The following FRMD4B variants were observed in gnomAD, a reference collection of about 807,000 sequenced individuals.
FRMD4B encodes FERM domain-containing protein 4B.
FRMD4B carries 74 observed loss-of-function variants against 141.5 expected under a neutral mutation model. The ratio of observed to expected loss-of-function variants is 0.52; its 90% CI spans 0.43 to 0.63. The LOEUF (loss-of-function observed/expected upper bound fraction) is 0.63, where lower values mean the gene tolerates loss of function less well. Ranked by LOEUF, FRMD4B falls within the 30% of genes least tolerant of loss-of-function variation. The probability of loss-of-function intolerance (pLI) is 0.00; values close to 1 mark genes in which losing one functional copy is unlikely to be tolerated. For missense variants in FRMD4B, 1,366 were observed against 1,253.4 expected (o/e 1.09, Z -1.36); for synonymous variants, 506 against 467.9 (o/e 1.08, Z -1.05).
At chr3:69,215,001 TC>T (rs2093125362) in intron 11 of FRMD4B, among the ~76,000 whole-genome samples, 1 of 151,688 alleles carries the variant, frequency 6.6e-6, no homozygotes, top group African/African-American at 2.4e-5. Context: ...TGCCTCAGCC[TC>T]CCGAGGAGCT....
intron 1 of FRMD4B, among the ~76,000 whole-genome samples, chr3:69,360,136 C>T (rs1367820554): frequency 6.6e-6 from 1 of 150,782 alleles, no homozygotes; most frequent in African/African-American, 2.4e-5. Context: ...AAAACCAAAA[C>T]AAAAAAGTTT....
chr3:69,523,759 C>T (rs1700890252), intron 1 of FRMD4B, among the ~76,000 whole-genome samples: 1 of 152,130 alleles, frequency 6.6e-6, no homozygotes, highest in South Asian at 2.1e-4. Context: ...GTCAGGCAGG[C>T]AACTAGTAGT....
intron 2 of FRMD4B, 64 bp downstream of exon 2, chr3:69,313,388 C>T: frequency 9.7e-7 from 1 of 1,029,448 alleles, no homozygotes. Context: ...TGAGCTGTCC[C>T]CGTGAGGGTA....
chr3:69,508,519 A>C (rs957215058), intron 1 of FRMD4B, among the ~76,000 whole-genome samples: 2 of 152,202 alleles, frequency 1.3e-5, no homozygotes, highest in Admixed American at 6.5e-5. Flanking sequence ...AGGGAGAAAG[A>C]AAGCATCCTC....
chr3:69,304,256 G>A (rs1403213057), intron 3 of FRMD4B, among the ~76,000 whole-genome samples: 2 of 151,890 alleles, frequency 1.3e-5, no homozygotes, highest in Admixed American at 6.6e-5. Context: ...GGCCGAGGTG[G>A]GCAGATCCCT....
At chr3:69,274,836 A>C (rs1464033472) in intron 5 of FRMD4B, among the ~76,000 whole-genome samples, 2 of 152,172 alleles carry the variant, frequency 1.3e-5, no homozygotes, top group Non-Finnish European at 1.5e-5. Flanking sequence ...TGATTCTTTA[A>C]TCATTCACTC....
chr3:69,243,365 C>CA (rs1217055036), intron 7 of FRMD4B, among the ~76,000 whole-genome samples: 1 of 152,086 alleles, frequency 6.6e-6, no homozygotes, highest in African/African-American at 2.4e-5. Flanking sequence ...GCCATGAAGG[C>CA]AGATAGCATG....
In FRMD4B at chr3:69,295,272, G is replaced by C. The variant is rs116341200; in HGVS notation, c.416+7071C>G. ...AAAGCTCTGTTCTCAATGTTTGGGT[G>C]GGGGTGTTTACCAATGCTGAAGACA... is the stretch of plus-strand genomic sequence containing the variant. On this transcript the variant is annotated intron_variant, in intron 4 of 22. Coordinates refer to ENST00000398540, the MANE Select transcript of FRMD4B (RefSeq NM_015123.3). 6.7e-3 allele frequency among the ~76,000 whole-genome samples: 1,022 copies of C among 152,234 alleles called. 13 individuals carry two copies. The highest frequency in any genetic ancestry group is 0.023 in the African/African-American group (973 of 41,540).
At chr3:69,520,292 G>T in intron 1 of FRMD4B, among the ~76,000 whole-genome samples, 2 of 77,884 alleles carry the variant, frequency 2.6e-5, no homozygotes, top group South Asian at 3.4e-4. Context: ...TATATATGAT[G>T]GAATATATAT....
chr3:69,181,147 T>A lies in FRMD4B; in HGVS notation c.2603A>T (p.Asn868Ile), dbSNP rs777328436. ...TGGCAGCCGGAGAGTTGCATATGGG[T>A]TATGGGGTACCCGGTCGACCTCATC... ...HEDEVDRVPHNPYATLRLPRK... is the reference protein window; with the variant it reads ...HEDEVDRVPHIPYATLRLPRK... The change falls in exon 21 of 23, where the codon AAC becomes ATC. Residue 868 changes from asparagine to isoleucine, a missense_variant. Transcript: ENST00000398540. The A allele has an allele frequency of 1.9e-5, 30 of 1,613,756 alleles. No individual in the cohort carries two copies. Among genetic ancestry groups the A allele is most frequent in the Non-Finnish European group, 2.1e-5 (25 of 1,179,860 alleles).
At chr3:69,453,601 A>G (rs78643000) in intron 1 of FRMD4B, among the ~76,000 whole-genome samples, 3,807 of 152,282 alleles carry the variant, frequency 0.025, 120 homozygotes, top group East Asian at 0.079. Flanking sequence ...TACAAGTTTA[A>G]AAAATCCCAG....
chr3:69,438,354 C>T (rs898818977), intron 1 of FRMD4B, among the ~76,000 whole-genome samples: 3 of 151,976 alleles, frequency 2.0e-5, no homozygotes, highest in Admixed American at 1.3e-4. Context: ...GATCCTTGGG[C>T]CTTGGCATCC....
At chr3:69,516,381 C>T (rs112563862) in intron 1 of FRMD4B, among the ~76,000 whole-genome samples, 100 of 152,060 alleles carry the variant, frequency 6.6e-4, no homozygotes, top group African/African-American at 2.4e-3. Context: ...TAATAAGAAT[C>T]CTAATAAGAG....
In FRMD4B at chr3:69,293,880, C is replaced by CA. The variant is rs10699871; in HGVS notation, c.417-6045dup. ...TGGGTGACAGAGCTAGATTCTGCCT[C>CA]AAAAAAAAAAAAAAAAAAAAAAAAA... On this transcript the variant is annotated intron_variant, in intron 4 of 22. Transcript: ENST00000398540. Among the ~76,000 whole-genome samples, 106 of 74,448 alleles carry CA rather than the reference C, an allele frequency of 1.4e-3. 11 individuals are homozygous for CA. Among genetic ancestry groups the CA allele is most frequent in the African/African-American group, 6.1e-3 (103 of 16,770 alleles). The allele number at this position is 74,448 out of a possible 152,430, so 48.8% of individuals were successfully genotyped here.
chr3:69,530,586 T>TCA (rs1484857539), intron 1 of FRMD4B, among the ~76,000 whole-genome samples: 1 of 151,720 alleles, frequency 6.6e-6, no homozygotes, highest in South Asian at 2.1e-4. Flanking sequence ...TTACCCAGCC[T>TCA]CAGGTATACC....
At chr3:69,292,570 C>A (rs1328982803) in intron 4 of FRMD4B, among the ~76,000 whole-genome samples, 5 of 152,188 alleles carry the variant, frequency 3.3e-5, no homozygotes, top group South Asian at 2.1e-4. Flanking sequence ...TGGCGACCAG[C>A]CCTGGTGCCT....
chr3:69,326,007 G>C (rs562586602), intron 1 of FRMD4B, among the ~76,000 whole-genome samples: 2 of 152,046 alleles, frequency 1.3e-5, no homozygotes, highest in South Asian at 4.1e-4. Flanking sequence ...ACCCAGGCTG[G>C]AGTGGACCAT....
intron 1 of FRMD4B, 77 bp downstream of exon 1, chr3:69,385,751 T>C: frequency 7.9e-7 from 1 of 1,268,420 alleles, no homozygotes; most frequent in South Asian, 1.7e-5. Flanking sequence ...GGGAATAAAA[T>C]CATACAGGTG....
chr3:69,334,892 G>C (rs1210181164), intron 1 of FRMD4B, among the ~76,000 whole-genome samples: 1 of 152,192 alleles, frequency 6.6e-6, no homozygotes, highest in Non-Finnish European at 1.5e-5. Flanking sequence ...AAGAAAGCCA[G>C]AAAACAAGCA....
Sources: allele counts gnomAD v4.1 joint callset (sites outside exome capture counted in the v4.1 genomes callset), GRCh38; gene constraint gnomAD v4.1.1; transcripts MANE v1.5; gene names NCBI Gene and HGNC (gene_info 2026-07-23, HGNC 2026-07-21).